Variants in CACNA1C observed in about 807,000 individuals in gnomAD.
CACNA1C encodes voltage-dependent L-type calcium channel subunit alpha-1C.
CACNA1C carries 30 observed loss-of-function variants against 229.0 expected under a neutral mutation model. That is an observed-to-expected ratio of 0.13 (90% confidence interval 0.10 to 0.18). CACNA1C has a LOEUF of 0.18. Among genes scored for constraint, CACNA1C ranks in the 10% least tolerant of loss-of-function variants. CACNA1C has a pLI of 1.00. For missense variants in CACNA1C, 1,658 were observed against 2,845.0 expected, an observed-to-expected ratio of 0.58 and a Z score of 9.49; for synonymous variants, 1,114 against 1,132.5, an observed-to-expected ratio of 0.98 and a Z score of 0.33.
chr12:2,067,553 T>C lies in CACNA1C; in HGVS notation c.49+13942T>C, dbSNP rs1286540552. 6.6e-6 allele frequency among the ~76,000 whole-genome samples: 1 copy of C among 151,858 alleles called. No homozygotes were observed. The highest frequency in any genetic ancestry group is 6.6e-5 in the Admixed American group (1 of 15,254). ...ACTTTATTGGTTTCACAGTTTGGCC[T>C]CCAGAGGGTCTTCTGGGTGCTGACA... is the stretch of plus-strand genomic sequence containing the variant. On this transcript the variant is annotated intron_variant, in intron 1 of 46. Transcript: ENST00000399655. This position sits in a 1 kb window ranked among gnomAD's most constrained non-coding sequence, Gnocchi z 5.3.
In CACNA1C at chr12:2,665,075, G is replaced by A; in HGVS notation, c.4398+85G>A. The A allele has an allele frequency of 7.0e-7, 1 of 1,433,646 alleles. No homozygotes were observed. The highest frequency in any genetic ancestry group is 9.7e-7 in the Non-Finnish European group (1 of 1,025,874). The allele number at this position is 1,433,646 out of a possible 1,614,324, so 88.8% of individuals were successfully genotyped here. On this transcript the variant is annotated intron_variant, in intron 35 of 46. Coordinates refer to ENST00000399655, the MANE Select transcript of CACNA1C (RefSeq NM_000719.7). The surrounding 1 kb of genome is among the most constrained non-coding windows in gnomAD (Gnocchi z 5.9). ...GAACCGTCCATCTCTGCAGCTCATG[G>A]TCAGGGCAACCCTATCAGAGGAGCT...
At chr12:2,572,296 A>C (rs1600546252) in intron 13 of CACNA1C, among the ~76,000 whole-genome samples, 1 of 78,438 alleles carries the variant, frequency 1.3e-5, no homozygotes, top group Non-Finnish European at 2.7e-5. Flanking sequence ...CTTGATTATT[A>C]TTCCTCCTCC....
At chr12:2,473,154 C>A (rs1242399503) in intron 5 of CACNA1C, among the ~76,000 whole-genome samples, 1 of 152,304 alleles carries the variant, frequency 6.6e-6, no homozygotes, top group Non-Finnish European at 1.5e-5. Context: ...CACTGATTAA[C>A]CTGTACCATC....
chr12:2,268,569 C>T (rs1002538924), intron 3 of CACNA1C, among the ~76,000 whole-genome samples: 2 of 152,114 alleles, frequency 1.3e-5, no homozygotes, highest in East Asian at 1.9e-4. Flanking sequence ...GTGGGATGGC[C>T]AAGGGCTCCC....
intron 3 of CACNA1C, among the ~76,000 whole-genome samples, chr12:2,165,209 A>C (rs541965768): frequency 6.6e-6 from 1 of 152,374 alleles, no homozygotes; most frequent in Admixed American, 6.5e-5. Flanking sequence ...TGCCAGTGCA[A>C]ATAAATCAAT....
intron 13 of CACNA1C, among the ~76,000 whole-genome samples, chr12:2,572,608 T>C (rs1456282429): frequency 4.5e-4 from 32 of 71,322 alleles, no homozygotes; most frequent in Non-Finnish European, 5.7e-4. Flanking sequence ...TCCTCCTCCT[T>C]CTCCTCTTCC....
chr12:2,401,783 G>A (rs532794278), intron 3 of CACNA1C, among the ~76,000 whole-genome samples: 1 of 152,360 alleles, frequency 6.6e-6, no homozygotes, highest in East Asian at 1.9e-4. Context: ...GTGCCTGGCA[G>A]CTAGTAAGCA....
In CACNA1C at chr12:2,488,261, A is replaced by G. The variant is rs1291448640; in HGVS notation, c.916+1999A>G. Among the ~76,000 whole-genome samples, 3 of 152,184 alleles carry G rather than the reference A, an allele frequency of 2.0e-5. No individual in the cohort carries two copies. The highest frequency in any genetic ancestry group is 1.9e-4 in the East Asian group (1 of 5,198). On this transcript the variant is annotated intron_variant, in intron 6 of 46. Transcript: ENST00000399655. This position sits in a 1 kb window ranked among gnomAD's most constrained non-coding sequence, Gnocchi z 4.0. ...TGGGCTCCTGCAAGGGCGGGTGAGG[A>G]TAAGCGGCCCTGAATACTGGTTGGA...
rs895600162 is a variant in CACNA1C, at chr12:2,331,595, A to G, written c.478-117381A>G. Among the ~76,000 whole-genome samples, 3 of 152,274 alleles carry G rather than the reference A, an allele frequency of 2.0e-5. 1 individual carries two copies. The highest frequency in any genetic ancestry group is 7.2e-5 in the African/African-American group (3 of 41,482). Reference sequence around the variant, plus strand: ...AGCTTAAATAAGAATCCATGAGTCTATACCGACATACGGAAGTTAGTGAAT... The same window carrying G: ...AGCTTAAATAAGAATCCATGAGTCTGTACCGACATACGGAAGTTAGTGAAT... On this transcript the variant is annotated intron_variant, in intron 3 of 46. Transcript: ENST00000399655.
intron 3 of CACNA1C, among the ~76,000 whole-genome samples, chr12:2,305,301 G>A (rs1286561968): frequency 6.6e-6 from 1 of 152,252 alleles, no homozygotes; most frequent in Non-Finnish European, 1.5e-5. Flanking sequence ...TTGGGAGGAA[G>A]CTGAGGACCA....
chr12:2,601,881 A>G lies in CACNA1C; in HGVS notation c.2881A>G (p.Lys961Glu). The G allele has an allele frequency of 6.2e-7, 1 of 1,613,786 alleles. No individual in the cohort carries two copies. The highest frequency in any genetic ancestry group is 8.5e-7 in the Non-Finnish European group (1 of 1,179,712). Reference sequence around the variant, plus strand: ...GACTGCTTATGGGGCTTTCTTGCACAAGGGTTCTTTCTGCCGGAACTACTT... The same window carrying G: ...GACTGCTTATGGGGCTTTCTTGCACGAGGGTTCTTTCTGCCGGAACTACTT... ...KMTAYGAFLH[K>E]GSFCRNYFNI... Residue 961 changes from lysine to glutamate, a missense_variant, in exon 22 of 47, where the codon AAG becomes GAG. Transcript: ENST00000399655. This position sits in a 1 kb window ranked among gnomAD's most constrained non-coding sequence, Gnocchi z 5.9.
chr12:2,620,971 C>T (rs1040876814), intron 29 of CACNA1C, among the ~76,000 whole-genome samples: 1 of 152,226 alleles, frequency 6.6e-6, no homozygotes, highest in African/African-American at 2.4e-5. Context: ...TCCATCAGTG[C>T]AGAAATCTCT....
Position 2,689,141 on chromosome 12 carries a change from T to C in CACNA1C, c.6117+362T>C, listed in dbSNP as rs1291923071. ...GCCCGTGAGCATCACCTGGGGAGCT[T>C]TGGAAACCCGGGACAGATTAACTGA... On this transcript the variant is annotated intron_variant, in intron 46 of 46. Transcript: ENST00000399655. The surrounding 1 kb of genome is among the most constrained non-coding windows in gnomAD (Gnocchi z 4.2). Among the ~76,000 whole-genome samples, 1 of 152,108 alleles carries C rather than the reference T, an allele frequency of 6.6e-6. No individual in the cohort carries two copies. The highest frequency in any genetic ancestry group is 1.5e-5 in the Non-Finnish European group (1 of 68,024).
At chr12:2,538,190 A>G (rs2099860502) in intron 9 of CACNA1C, among the ~76,000 whole-genome samples, 1 of 152,210 alleles carries the variant, frequency 6.6e-6, no homozygotes, top group African/African-American at 2.4e-5. Context: ...GATCATAATT[A>G]TGGTGATGGC....
intron 11 of CACNA1C, among the ~76,000 whole-genome samples, chr12:2,562,981 A>G (rs934583487): frequency 6.6e-6 from 1 of 152,202 alleles, no homozygotes; most frequent in Non-Finnish European, 1.5e-5. Flanking sequence ...CAAATATTAC[A>G]TCATATTTAT....
intron 3 of CACNA1C, among the ~76,000 whole-genome samples, chr12:2,408,356 C>G (rs2098762142): frequency 1.3e-5 from 2 of 152,236 alleles, no homozygotes; most frequent in South Asian, 4.1e-4. Context: ...CTTAATGCCA[C>G]TGAATGCTAC....
Position 2,581,747 on chromosome 12 carries a change from C to T in CACNA1C, c.2053C>T (p.Arg685Trp), listed in dbSNP as rs1485010033. 4.3e-6 allele frequency: 7 copies of T among 1,613,216 alleles called. No homozygotes were observed. The East Asian group carries it at 6.7e-5, about 15-fold the overall frequency. Residue 685 changes from arginine (R) to tryptophan (W), a missense_variant, in exon 14 of 47, where the codon CGG becomes TGG. Physicochemically the swap from Arg to Trp is moderately radical, Grantham distance 101. This residue lies in a region of CACNA1C where 30 missense variants were observed against 73.2 expected (regional missense o/e 0.41). Transcript: ENST00000399655. The part of the protein sequence containing the change: ...GKFNFDEMQT[R>W]RSTFDNFPQS... Reference sequence around the variant, plus strand: ...GTTCAACTTTGATGAGATGCAGACCCGGAGGAGCACATTCGATAACTTCCC... The same window carrying T: ...GTTCAACTTTGATGAGATGCAGACCTGGAGGAGCACATTCGATAACTTCCC...
intron 3 of CACNA1C, among the ~76,000 whole-genome samples, chr12:2,238,374 C>T (rs1487555054): frequency 6.6e-6 from 1 of 152,202 alleles, no homozygotes; most frequent in African/African-American, 2.4e-5. Flanking sequence ...CAAAAACTGT[C>T]TCCTCACCCT....
In CACNA1C at chr12:2,145,681, G is replaced by A. The variant is rs995757515; in HGVS notation, c.477+25251G>A. On this transcript the variant is annotated intron_variant, in intron 3 of 46. Coordinates refer to ENST00000399655, the MANE Select transcript of CACNA1C (RefSeq NM_000719.7). ...GCGGGCTTAAGTAGTCCGTGGGCTTGTGAGGAAAACGCTAGATTAAATCTT... is the reference window on the plus strand; with the variant it reads ...GCGGGCTTAAGTAGTCCGTGGGCTTATGAGGAAAACGCTAGATTAAATCTT... Among the ~76,000 whole-genome samples the A allele has an allele frequency of 2.4e-4, 37 of 151,336 alleles. 2 individuals are homozygous for A. The highest frequency in any genetic ancestry group is 1.6e-4 in the Non-Finnish European group (11 of 67,646).
Sources: allele counts gnomAD v4.1 joint callset (sites outside exome capture counted in the v4.1 genomes callset), GRCh38; gene constraint gnomAD v4.1.1; regional missense constraint gnomAD v4.1.1; non-coding constraint Gnocchi (gnomAD v3.1); transcripts MANE v1.5; gene names NCBI Gene and HGNC (gene_info 2026-07-23, HGNC 2026-07-21).